The following MEI1 variants were observed in gnomAD, a reference collection of about 807,000 sequenced individuals.
MEI1 encodes meiotic double-stranded break formation protein 1.
Under a neutral mutation model 146.2 loss-of-function variants are expected in MEI1, and 103 were observed. The ratio of observed to expected loss-of-function variants is 0.70; its 90% CI spans 0.60 to 0.83. The LOEUF is 0.83. MEI1 is among the 40% of genes least tolerant of loss of function. The probability of loss-of-function intolerance (pLI) is 0.00; values close to 1 mark genes in which losing one functional copy is unlikely to be tolerated. For missense variants in MEI1, 1,529 were observed against 1,533.0 expected (o/e 1.00, Z 0.04); for synonymous variants, 652 against 628.2 (o/e 1.04, Z -0.57).
Position 41,705,544 on chromosome 22 carries a change from C to G in MEI1, c.339C>G (p.Leu113=). ...CSMEDGSVTD[L]CIEVLIQITT... ...TGGAAGATGGGAGTGTGACAGACCT[C>G]TGTATTGAAGGTAAGTTGAAACCTT... Residue 113 remains leucine, a synonymous_variant, in exon 3 of 31, where the codon CTC becomes CTG. Coordinates refer to ENST00000401548, the MANE Select transcript of MEI1 (RefSeq NM_152513.4). 6.2e-7 allele frequency: 1 copy of G among 1,613,374 alleles called. No homozygotes were observed.
intron 7 of MEI1, 131 bp from the exon 8 acceptor site, chr22:41,729,534 C>T: frequency 1.5e-6 from 1 of 679,124 alleles, no homozygotes; most frequent in Non-Finnish European, 2.6e-6. Context: ...GACCACCATC[C>T]TTGTGCCTGG....
intron 20 of MEI1, among the ~76,000 whole-genome samples, chr22:41,772,185 A>G (rs558316609): frequency 4.6e-5 from 7 of 152,320 alleles, no homozygotes; most frequent in Admixed American, 1.3e-4. Flanking sequence ...TGACATTTGT[A>G]TATCTAAACA....
chr22:41,707,257 A>T (rs1428965816), intron 3 of MEI1, among the ~76,000 whole-genome samples: 2 of 152,088 alleles, frequency 1.3e-5, no homozygotes, highest in African/African-American at 2.4e-5. Context: ...AGAACAACCA[A>T]ATTTTCATGG....
At chr22:41,798,957 C>T (rs1433099595) in intron 30 of MEI1, among the ~76,000 whole-genome samples, 3 of 151,648 alleles carry the variant, frequency 2.0e-5, no homozygotes, top group Non-Finnish European at 2.9e-5. Context: ...CACCCAGAGA[C>T]ACTGCAGTCC....
intron 26 of MEI1, among the ~76,000 whole-genome samples, chr22:41,785,932 A>G (rs2075965943): frequency 1.0e-5 from 1 of 99,218 alleles, no homozygotes; most frequent in Non-Finnish European, 2.0e-5. Flanking sequence ...TTTTTTTGAG[A>G]CGGAGTCTCG....
chr22:41,776,799 A>T (rs2075459674), intron 21 of MEI1, among the ~76,000 whole-genome samples: 1 of 151,760 alleles, frequency 6.6e-6, no homozygotes, highest in Non-Finnish European at 1.5e-5. Flanking sequence ...TTTATTTTAT[A>T]TTTTATGTAT....
At chr22:41,753,167 G>C (rs2073885551) in intron 16 of MEI1, among the ~76,000 whole-genome samples, 1 of 152,106 alleles carries the variant, frequency 6.6e-6, no homozygotes, top group African/African-American at 2.4e-5. Context: ...ACAGGTGCTT[G>C]CCACCATTCC....
intron 22 of MEI1, 40 bp from the exon 23 acceptor site, chr22:41,781,244 G>A (rs778547345): frequency 2.7e-6 from 4 of 1,475,376 alleles, no homozygotes; most frequent in Admixed American, 1.9e-5. Context: ...AAGTGTGAGT[G>A]TTTTGCGACA....
intron 11 of MEI1, among the ~76,000 whole-genome samples, chr22:41,738,536 G>A (rs866742715): frequency 5.3e-5 from 8 of 151,766 alleles, no homozygotes; most frequent in South Asian, 4.2e-4. Flanking sequence ...GCAGTGAGCC[G>A]AGATCATGCC....
intron 5 of MEI1, among the ~76,000 whole-genome samples, chr22:41,716,437 C>T (rs532939835): frequency 2.6e-3 from 366 of 142,536 alleles, no homozygotes; most frequent in Non-Finnish European, 4.1e-3. Context: ...AGTGCAATGG[C>T]GCAATCTCGA....
intron 18 of MEI1, among the ~76,000 whole-genome samples, chr22:41,758,894 A>G (rs1009927590): frequency 2.6e-5 from 4 of 152,042 alleles, no homozygotes; most frequent in Admixed American, 6.5e-5. Flanking sequence ...TGTAATCCCA[A>G]TGCTTTGGGA....
At chr22:41,705,814 TCTC>T (rs2069053253) in intron 3 of MEI1, among the ~76,000 whole-genome samples, 1 of 150,344 alleles carries the variant, frequency 6.7e-6, no homozygotes, top group Non-Finnish European at 1.5e-5. Context: ...TTCAAGCGAT[TCTC>T]CTGCCTCAGC....
intron 11 of MEI1, among the ~76,000 whole-genome samples, chr22:41,737,362 G>C (rs916806246): frequency 1.3e-5 from 2 of 151,274 alleles, no homozygotes; most frequent in African/African-American, 4.9e-5. Context: ...TCAGTCTCCT[G>C]AGTAGCTGGG....
chr22:41,790,433 A>G (rs2076136702), intron 26 of MEI1, among the ~76,000 whole-genome samples: 1 of 152,056 alleles, frequency 6.6e-6, no homozygotes, highest in Non-Finnish European at 1.5e-5. Flanking sequence ...TCAATGATTC[A>G]TACATTCAGC....
At position 41,713,991 on chromosome 22, in the gene MEI1, T is replaced by G; in HGVS notation, c.350-11T>G. 3.2e-6 allele frequency: 5 copies of G among 1,575,632 alleles called. No homozygotes were observed. Among genetic ancestry groups the G allele is most frequent in the Non-Finnish European group, 4.3e-6 (5 of 1,160,180 alleles). ...TGCCTCCTGGTTAGTAATACTGTTG[T>G]GTCTGTTCAGTCCTTATTCAGATCA... On this transcript the variant is annotated splice_polypyrimidine_tract_variant and intron_variant, in intron 3 of 30. Transcript: ENST00000401548.
chr22:41,734,762 C>T (rs1300256035), intron 11 of MEI1, among the ~76,000 whole-genome samples: 1 of 151,794 alleles, frequency 6.6e-6, no homozygotes, highest in Non-Finnish European at 1.5e-5. Context: ...CTCAGCCTCC[C>T]GAGTAGCTGG....
At chr22:41,720,149 G>T (rs573516952) in intron 6 of MEI1, among the ~76,000 whole-genome samples, 94 of 152,268 alleles carry the variant, frequency 6.2e-4, no homozygotes, top group Non-Finnish European at 9.8e-4. Context: ...AGGAGCAGGG[G>T]ACAGGAGAAG....
At chr22:41,763,675 C>G (rs2074655830) in intron 19 of MEI1, among the ~76,000 whole-genome samples, 1 of 151,948 alleles carries the variant, frequency 6.6e-6, no homozygotes, top group African/African-American at 2.4e-5. Context: ...TCACTGCAAC[C>G]TCCACCTTCT....
At position 41,729,794 on chromosome 22, in the gene MEI1, C is replaced by A. The variant is rs757351698; in HGVS notation, c.979+15C>A. The A allele has an allele frequency of 1.3e-6, 2 of 1,548,968 alleles. No individual in the cohort carries two copies. Among genetic ancestry groups the A allele is most frequent in the Non-Finnish European group, 1.8e-6 (2 of 1,135,534 alleles). ...TGACATCCCAGGTAGGGGAACACTT[C>A]TAACCTTCTCCTCCCTATACTAGAA... On this transcript the variant is annotated intron_variant, in intron 8 of 30. Coordinates refer to ENST00000401548, the MANE Select transcript of MEI1 (RefSeq NM_152513.4).
Sources: allele counts gnomAD v4.1 joint callset (sites outside exome capture counted in the v4.1 genomes callset), GRCh38; gene constraint gnomAD v4.1.1; transcripts MANE v1.5; gene names NCBI Gene and HGNC (gene_info 2026-07-23, HGNC 2026-07-21).